CDH20: variants seen among roughly 807,000 people sequenced by gnomAD.
The protein encoded by CDH20 is cadherin 20, also known as cadherin-20.
In CDH20, 29 loss-of-function variants were observed where a neutral mutation model predicts 74.2. The observed-to-expected ratio is 0.39, with a 90% confidence interval of 0.29 to 0.53. The LOEUF is 0.53. CDH20 is among the 20% of genes least tolerant of loss of function. The probability of loss-of-function intolerance (pLI) is 0.69; values close to 1 mark genes in which losing one functional copy is unlikely to be tolerated. For missense variants in CDH20, 988 were observed against 1,048.3 expected (o/e 0.94, Z 0.79); for synonymous variants, 469 against 405.4 (o/e 1.16, Z -1.88).
chr18:61,544,963 T>A (rs1913184264), intron 9 of CDH20, 64 bp from the exon 10 acceptor site: 1 of 1,081,134 alleles, frequency 9.2e-7, no homozygotes, highest in Non-Finnish European at 1.4e-6. Flanking sequence ...GGTTTGGGAT[T>A]TAACTGGGCC....
chr18:61,345,419 C>T (rs375353458), intron 1 of CDH20, among the ~76,000 whole-genome samples: 2 of 152,110 alleles, frequency 1.3e-5, no homozygotes, highest in Non-Finnish European at 2.9e-5. Context: ...CCTGTTTCTT[C>T]ACCTGTCAGT....
At chr18:61,360,514 G>T (rs1445976196) in intron 1 of CDH20, among the ~76,000 whole-genome samples, 2 of 152,164 alleles carry the variant, frequency 1.3e-5, no homozygotes, top group South Asian at 2.1e-4. Context: ...TAAAGGAAGA[G>T]CCCAGGCAGG....
chr18:61,547,885 T>C (rs997040827), intron 10 of CDH20, among the ~76,000 whole-genome samples: 44 of 152,340 alleles, frequency 2.9e-4, no homozygotes, highest in African/African-American at 1.0e-3. Context: ...TGCTCTGATA[T>C]TTTTCTTTAA....
At chr18:61,352,768 A>G (rs566543465) in intron 1 of CDH20, among the ~76,000 whole-genome samples, 14 of 152,190 alleles carry the variant, frequency 9.2e-5, no homozygotes, top group Non-Finnish European at 1.9e-4. Flanking sequence ...AAATTTCAAA[A>G]TCTAGAAACT....
At chr18:61,404,535 G>A (rs75104117) in intron 1 of CDH20, among the ~76,000 whole-genome samples, 1,815 of 152,132 alleles carry the variant, frequency 0.012, 35 homozygotes, top group African/African-American at 0.04. Flanking sequence ...ATTCTACATC[G>A]TGATATGAGG....
chr18:61,550,054 G>A lies in CDH20; in HGVS notation c.1725G>A (p.Leu575=). 6.2e-7 allele frequency: 1 copy of A among 1,614,192 alleles called. No homozygotes were observed. Among genetic ancestry groups the A allele is most frequent in the Non-Finnish European group, 8.5e-7 (1 of 1,180,026 alleles). ...AGAGTGTCTTTCACCTGCCTATCCT[G>A]ATAGCAGATAGCGGGCAGCCCGTGC... The part of the protein sequence containing the change: ...QEQSVFHLPI[L]IADSGQPVLS... Residue 575 remains leucine, a synonymous_variant, in exon 11 of 12, where the codon CTG becomes CTA. Coordinates refer to ENST00000262717, the MANE Select transcript of CDH20 (RefSeq NM_031891.4).
chr18:61,481,494 T>G (rs543064758), intron 1 of CDH20, among the ~76,000 whole-genome samples: 1 of 152,274 alleles, frequency 6.6e-6, no homozygotes, highest in East Asian at 1.9e-4. Context: ...CTAAAAGAGA[T>G]TTCTTTTCCT....
intron 6 of CDH20, among the ~76,000 whole-genome samples, chr18:61,515,456 G>A (rs989339602): frequency 1.2e-4 from 18 of 152,176 alleles, no homozygotes; most frequent in African/African-American, 2.4e-4. Context: ...GAAATCACCC[G>A]TCTTCTGCGT....
chr18:61,453,689 A>G (rs1336134768), intron 1 of CDH20, among the ~76,000 whole-genome samples: 1 of 152,012 alleles, frequency 6.6e-6, no homozygotes, highest in African/African-American at 2.4e-5. Context: ...AGGTGCCCCA[A>G]TGTGTTTATC....
intron 1 of CDH20, among the ~76,000 whole-genome samples, chr18:61,385,302 AC>A (rs1464159262): frequency 6.6e-6 from 1 of 152,192 alleles, no homozygotes; most frequent in Non-Finnish European, 1.5e-5. Context: ...ATAAGACAGA[AC>A]AAAAAATAAA....
chr18:61,500,736 GCA>G (rs894874242), intron 4 of CDH20, among the ~76,000 whole-genome samples: 9 of 133,066 alleles, frequency 6.8e-5, no homozygotes, highest in African/African-American at 2.5e-4. Context: ...GCCCCTCTGC[GCA>G]AACACACACA....
rs946282654 is a variant in CDH20 at position 61,353,414 on chromosome 18, C to G, written c.-153+19587C>G. On this transcript the variant is annotated intron_variant, in intron 1 of 11. Coordinates refer to ENST00000262717, the MANE Select transcript of CDH20 (RefSeq NM_031891.4). This position sits in a 1 kb window ranked among gnomAD's most constrained non-coding sequence, Gnocchi z 4.6. Reference sequence around the variant, plus strand: ...TCTCAATTTTATGGGTCAATAGTTACTTCTTCTTCCCCTAGATTCTCATAA... The same window carrying G: ...TCTCAATTTTATGGGTCAATAGTTAGTTCTTCTTCCCCTAGATTCTCATAA... 2.0e-5 allele frequency among the ~76,000 whole-genome samples: 3 copies of G among 152,186 alleles called. No homozygotes were observed.
At chr18:61,356,408 C>T (rs190880628) in intron 1 of CDH20, among the ~76,000 whole-genome samples, 2 of 152,214 alleles carry the variant, frequency 1.3e-5, no homozygotes, top group Admixed American at 6.5e-5. Context: ...TAATTAAGTA[C>T]TTATAAGTGA....
At chr18:61,350,156 T>G (rs1222933427) in intron 1 of CDH20, among the ~76,000 whole-genome samples, 5 of 152,138 alleles carry the variant, frequency 3.3e-5, no homozygotes, top group African/African-American at 1.2e-4. Flanking sequence ...GCCTGTATAC[T>G]ACTTTGGTGG....
intron 1 of CDH20, among the ~76,000 whole-genome samples, chr18:61,371,848 T>C (rs1402625371): frequency 6.6e-6 from 1 of 152,118 alleles, no homozygotes; most frequent in African/African-American, 2.4e-5. Context: ...GCATCTCTTA[T>C]AGATGACTCC....
intron 10 of CDH20, among the ~76,000 whole-genome samples, chr18:61,546,170 T>G (rs1472088643): frequency 6.6e-6 from 1 of 152,234 alleles, no homozygotes; most frequent in Non-Finnish European, 1.5e-5. Context: ...ATTCCGATTC[T>G]AAAATATTAA....
rs747619915 is a variant in CDH20 at position 61,500,417 on chromosome 18, A to C, written c.576A>C (p.Ala192=). The change falls in exon 4 of 12, where the codon GCA becomes GCC. Residue 192 remains alanine, a synonymous_variant. Transcript: ENST00000262717. The part of the protein sequence containing the change: ...TSVIQVTATD[A]DDPTYGNSAR... ...TCATCCAAGTGACAGCCACAGATGC[A>C]GATGACCCGACCTACGGCAACAGTG... 9.9e-6 allele frequency: 16 copies of C among 1,613,218 alleles called. 1 individual carries two copies. In the South Asian group the frequency reaches 1.8e-4, roughly 18 times the overall value.
Position 61,555,488 on chromosome 18 carries a change from A to C in CDH20, c.*793A>C, listed in dbSNP as rs1913599481. 4 of 985,328 alleles carry C rather than the reference A, an allele frequency of 4.1e-6. No homozygotes were observed. In the Admixed American group the frequency reaches 2.5e-4, roughly 61 times the overall value. 61.0% of individuals were successfully genotyped at this position (985,328 alleles called of 1,614,324 possible). A position where few individuals can be genotyped will look rare whatever the true frequency, so the allele number is the denominator to read the frequency against. On this transcript the variant is annotated 3_prime_UTR_variant, in exon 12 of 12. Transcript: ENST00000262717. ...CTTTTGCACTGTAGATGTCTCTTCC[A>C]TGTGCCAAATGTGGAGATTAGATGC...
At chr18:61,544,667 C>T (rs1300278339) in intron 9 of CDH20, among the ~76,000 whole-genome samples, 1 of 152,136 alleles carries the variant, frequency 6.6e-6, no homozygotes, top group Non-Finnish European at 1.5e-5. Context: ...TGCTGGTGTG[C>T]TCCTCTTCTC....
Sources: gnomAD v4.1 joint callset for allele counts (sites outside exome capture counted in the v4.1 genomes callset) on GRCh38, gnomAD v4.1.1 for gene constraint, Gnocchi (gnomAD v3.1) non-coding constraint, MANE v1.5 for transcripts, NCBI Gene and HGNC (gene_info 2026-07-23, HGNC 2026-07-21) for gene names.